FOXM1: variants seen among roughly 807,000 people sequenced by gnomAD.
FOXM1 encodes forkhead box M1.
Under a neutral mutation model 63.6 loss-of-function variants are expected in FOXM1, and 25 were observed. That is an observed-to-expected ratio of 0.39 (90% confidence interval 0.29 to 0.55). The LOEUF (loss-of-function observed/expected upper bound fraction) is 0.55. FOXM1 is among the 20% of genes least tolerant of loss of function. FOXM1 has a pLI of 0.60. For synonymous variants in FOXM1, 387 were observed against 376.9 expected, an observed-to-expected ratio of 1.03 and a Z score of -0.31; for missense variants, 879 against 958.7, an observed-to-expected ratio of 0.92 and a Z score of 1.10.
In FOXM1 at chr12:2,858,532, G is replaced by A. The variant is rs1282802301; in HGVS notation, c.*106C>T. Reference sequence around the variant, plus strand: ...ATCAGGCAGCAGGGAGCTATGAGGAGCAGAACAGTCCCTGCCTGCTGTCCT... The same window carrying A: ...ATCAGGCAGCAGGGAGCTATGAGGAACAGAACAGTCCCTGCCTGCTGTCCT... On this transcript the variant is annotated 3_prime_UTR_variant, in exon 9 of 9. Transcript: ENST00000359843. The A allele has an allele frequency of 1.0e-6, 1 of 956,618 alleles. No homozygotes were observed. Among genetic ancestry groups the A allele is most frequent in the East Asian group, 2.6e-5 (1 of 38,960 alleles). 59.3% of individuals were successfully genotyped at this position (956,618 alleles called of 1,614,324 possible). A position where few individuals can be genotyped will look rare whatever the true frequency, so the allele number is the denominator to read the frequency against.
chr12:2,871,882 G>A (rs1342533412), intron 3 of FOXM1, among the ~76,000 whole-genome samples: 1 of 152,114 alleles, frequency 6.6e-6, no homozygotes, highest in Non-Finnish European at 1.5e-5. Context: ...AATACAGAGT[G>A]ACCAAGGGAC....
rs994430294 is a variant in FOXM1, at chr12:2,873,510, C to T, written c.502+467G>A. Among the ~76,000 whole-genome samples the T allele has an allele frequency of 3.3e-5, 5 of 151,748 alleles. No individual in the cohort carries two copies. The South Asian group carries it at 1.0e-3, about 32-fold the overall frequency. On this transcript the variant is annotated intron_variant, in intron 2 of 8. Coordinates refer to ENST00000359843, the MANE Select transcript of FOXM1 (RefSeq NM_021953.4). ...GTTGGATCCCTTGAGCTCAGGAGTC[C>T]GAGACCAGCCTGGGCAACATAGTGA...
Position 2,872,095 on chromosome 12 carries a change from C to T in FOXM1, c.654+1G>A. On this transcript the variant is annotated splice_donor_variant, in intron 3 of 8. Coordinates refer to ENST00000359843, the MANE Select transcript of FOXM1 (RefSeq NM_021953.4). LOFTEE classifies it high-confidence loss of function. This position sits in a 1 kb window ranked among gnomAD's most constrained non-coding sequence, Gnocchi z 4.0. ...CTTTAGTGAGGGACGGAACAATTCA[C>T]CTTAACCTGTCGCTGCTCCAGGTGA... The T allele has an allele frequency of 6.2e-7, 1 of 1,614,192 alleles. No homozygotes were observed. Among genetic ancestry groups the T allele is most frequent in the Non-Finnish European group, 8.5e-7 (1 of 1,180,014 alleles).
intron 8 of FOXM1, among the ~76,000 whole-genome samples, chr12:2,860,609 C>G (rs1252735596): frequency 6.6e-6 from 1 of 152,042 alleles, no homozygotes; most frequent in African/African-American, 2.4e-5. Context: ...TGCGGTGGCT[C>G]ACGCCTGTAA....
Position 2,864,448 on chromosome 12 carries a change from G to A in FOXM1, c.1138C>T (p.Pro380Ser). 6.2e-7 allele frequency: 1 copy of A among 1,614,158 alleles called. No individual in the cohort carries two copies. The highest frequency in any genetic ancestry group is 8.5e-7 in the Non-Finnish European group (1 of 1,179,992). Residue 380 changes from proline to serine, a missense_variant, in exon 8 of 9, where the codon CCT (proline) becomes TCT (serine). By Grantham distance (74) the Pro-to-Ser change is moderately conservative (BLOSUM62 -1). This residue lies in a region of FOXM1 where 76 missense variants were observed against 94.5 expected (regional missense o/e 0.80). Coordinates refer to ENST00000359843, the MANE Select transcript of FOXM1 (RefSeq NM_021953.4). The surrounding 1 kb of genome is among the most constrained non-coding windows in gnomAD (Gnocchi z 5.1). ...LLPRVSSYLV[P>S]IQFPVNQSLV... The stretch of plus-strand genomic sequence containing the variant: ...GACTGGTTCACCGGGAACTGGATAG[G>A]TACCAGGTATGAGCTGACCCGTGGT...
Position 2,858,550 on chromosome 12 carries a change from G to A in FOXM1, c.*88C>T. On this transcript the variant is annotated 3_prime_UTR_variant, in exon 9 of 9. Transcript: ENST00000359843. ...ATGAGGAGCAGAACAGTCCCTGCCTGCTGTCCTCACTCAGAGGCTTGGGGT... is the reference window on the plus strand; with the variant it reads ...ATGAGGAGCAGAACAGTCCCTGCCTACTGTCCTCACTCAGAGGCTTGGGGT... 1 of 1,167,034 alleles carries A rather than the reference G, an allele frequency of 8.6e-7. No homozygotes were observed. Among genetic ancestry groups the A allele is most frequent in the South Asian group, 1.5e-5 (1 of 67,498 alleles). The allele number at this position is 1,167,034 out of a possible 1,614,324, so 72.3% of individuals were successfully genotyped here. A position where few individuals can be genotyped will look rare whatever the true frequency, so the allele number is the denominator to read the frequency against.
chr12:2,875,373 C>T (rs117480722), intron 1 of FOXM1, among the ~76,000 whole-genome samples: 277 of 152,238 alleles, frequency 1.8e-3, no homozygotes, highest in Non-Finnish European at 2.9e-3. Flanking sequence ...TGTACTATTG[C>T]CACACTACTG....
chr12:2,861,359 A>G, intron 8 of FOXM1: 1 of 736,418 alleles, frequency 1.4e-6, no homozygotes, highest in South Asian at 1.5e-5. Flanking sequence ...AATCTCGCAG[A>G]TCGCCACTAA....
intron 8 of FOXM1, among the ~76,000 whole-genome samples, chr12:2,860,954 GT>G (rs1207811787): frequency 1.3e-5 from 2 of 151,660 alleles, no homozygotes; most frequent in Non-Finnish European, 2.9e-5. Context: ...GGATCATGAG[GT>G]CAGGAGTTCG....
rs1023683014 is a variant in FOXM1, at chr12:2,864,723, G to A, written c.1050C>T (p.Arg350=). The change falls in exon 7 of 9, where the codon CGC becomes CGT. Residue 350 remains arginine (R), a synonymous_variant. Transcript: ENST00000359843. This position sits in a 1 kb window ranked among gnomAD's most constrained non-coding sequence, Gnocchi z 5.1. ...GTTCGGTTTTGATGGTCATGTTCCG[G>A]CGGAGCTCTGGATTCGGTCGTTTCT... ...SQQKRPNPEL[R]RNMTIKTELP... The A allele has an allele frequency of 6.2e-7, 1 of 1,614,200 alleles. No homozygotes were observed. The highest frequency in any genetic ancestry group is 2.2e-5 in the East Asian group (1 of 44,870).
At chr12:2,868,318 G>C (rs934517160) in intron 4 of FOXM1, 2 of 353,612 alleles carry the variant, frequency 5.7e-6, no homozygotes, top group Admixed American at 4.8e-5. Flanking sequence ...AGAAAAGTGG[G>C]CTTGAGTGCT....
Position 2,858,963 on chromosome 12 carries a change from A to G in FOXM1, c.1967T>C (p.Leu656Pro), listed in dbSNP as rs1266045156. ...CAAGGGAGTGGTGCTGAGATCCATC[A>G]GCCCCAGGGGGTCAGGCAAGGGGTC... ...ASDPLPDPLG[L>P]MDLSTTPLQS... Residue 656 changes from leucine to proline, a missense_variant, in exon 9 of 9, where the codon CTG becomes CCG. This residue lies in a region of FOXM1 where 486 missense variants were observed against 453.5 expected (regional missense o/e 1.07). Coordinates refer to ENST00000359843, the MANE Select transcript of FOXM1 (RefSeq NM_021953.4). 6.2e-7 allele frequency: 1 copy of G among 1,613,628 alleles called. No individual in the cohort carries two copies. The highest frequency in any genetic ancestry group is 8.5e-7 in the Non-Finnish European group (1 of 1,179,918).
chr12:2,875,153 C>T (rs371592223), intron 1 of FOXM1, among the ~76,000 whole-genome samples: 86 of 152,084 alleles, frequency 5.7e-4, no homozygotes, highest in Middle Eastern at 6.8e-3. Flanking sequence ...CCACCACGCC[C>T]GGCTAGTTTT....
At chr12:2,863,090 C>T (rs2098116872) in intron 8 of FOXM1, among the ~76,000 whole-genome samples, 1 of 152,148 alleles carries the variant, frequency 6.6e-6, no homozygotes, top group Admixed American at 6.6e-5. Context: ...GTGATTCCCT[C>T]CCTGCCAGGG....
At chr12:2,859,733 G>T (rs2098105987) in intron 8 of FOXM1, 70 bp from the exon 9 acceptor site, 12 of 1,123,682 alleles carry the variant, frequency 1.1e-5, no homozygotes, top group South Asian at 1.6e-5. Context: ...TCACATACGG[G>T]TTCTGATCCT....
Position 2,858,369 on chromosome 12 carries a change from G to C in FOXM1, c.*269C>G. On this transcript the variant is annotated 3_prime_UTR_variant, in exon 9 of 9. Coordinates refer to ENST00000359843, the MANE Select transcript of FOXM1 (RefSeq NM_021953.4). ...TGGGCAGAGAATGGAAACAGGCTGG[G>C]GGGTTCCTAATCTCTTTTCACCATT... The C allele has an allele frequency of 2.3e-6, 1 of 441,552 alleles. No individual in the cohort carries two copies. Among genetic ancestry groups the C allele is most frequent in the South Asian group, 4.2e-5 (1 of 23,828 alleles). The allele number at this position is 441,552 out of a possible 1,614,324, so 27.4% of individuals were successfully genotyped here.
At chr12:2,860,042 T>C (rs936978888) in intron 8 of FOXM1, among the ~76,000 whole-genome samples, 6 of 151,024 alleles carry the variant, frequency 4.0e-5, no homozygotes, top group African/African-American at 1.5e-4. Flanking sequence ...AAAAAAAAAA[T>C]GAAAACCTTA....
rs755801968 is a variant in FOXM1 at position 2,866,478 on chromosome 12, C to T, written c.890G>A (p.Arg297Gln). The change falls in exon 5 of 9, where the codon CGG (arginine) becomes CAG (glutamine). Residue 297 changes from arginine to glutamine, a missense_variant. Around this residue, in one of 4 missense-constraint regions of FOXM1, gnomAD observed 62 missense variants for 118.2 expected, o/e 0.52. Coordinates refer to ENST00000359843, the MANE Select transcript of FOXM1 (RefSeq NM_021953.4). ...GACCTTGCCATTGGCAGACGTCTCC[C>T]GGACAAACATGTCGTGCAGGGAAAG... Reference protein sequence around the residue: ...HNLSLHDMFVRETSANGKVSF... With the variant: ...HNLSLHDMFVQETSANGKVSF... 7 of 1,572,424 alleles carry T rather than the reference C, an allele frequency of 4.5e-6. No individual in the cohort carries two copies. The South Asian group carries it at 4.7e-5, about 11-fold the overall frequency.
At position 2,874,105 on chromosome 12, in the gene FOXM1, G is replaced by A; in HGVS notation, c.374C>T (p.Thr125Ile). ...CCTTTTGGCATCATAGCTGGTTTGG[G>A]TTTGAGGCCGGAGTCCTGGAGGCTG... ...PTQPPGLRPQ[T>I]QTSYDAKRTE... The change falls in exon 2 of 9, where the codon ACC becomes ATC. Residue 125 changes from threonine (T) to isoleucine (I), a missense_variant. By Grantham distance (89) the Thr-to-Ile change is moderately conservative. Transcript: ENST00000359843. The surrounding 1 kb of genome is among the most constrained non-coding windows in gnomAD (Gnocchi z 4.3). 6.2e-7 allele frequency: 1 copy of A among 1,614,202 alleles called. No homozygotes were observed. Among genetic ancestry groups the A allele is most frequent in the South Asian group, 1.1e-5 (1 of 91,086 alleles).
Sources: gnomAD v4.1 joint callset for allele counts (sites outside exome capture counted in the v4.1 genomes callset) on GRCh38, gnomAD v4.1.1 for gene constraint, gnomAD v4.1.1 regional missense constraint, Gnocchi (gnomAD v3.1) non-coding constraint, MANE v1.5 for transcripts, NCBI Gene and HGNC (gene_info 2026-07-23, HGNC 2026-07-21) for gene names.